The following CUL5 variants were observed in gnomAD, a reference collection of about 807,000 sequenced individuals.
CUL5 encodes cullin 5.
In CUL5, 26 loss-of-function variants were observed where a neutral mutation model predicts 108.8. That is an observed-to-expected ratio of 0.24 (90% confidence interval 0.18 to 0.33). CUL5 has a LOEUF of 0.33. CUL5 is among the 10% of genes least tolerant of loss of function. CUL5 has a pLI of 1.00. For missense variants in CUL5, 524 were observed against 909.2 expected (o/e 0.58, Z 5.45); for synonymous variants, 334 against 298.0 (o/e 1.12, Z -1.25).
intron 3 of CUL5, 88 bp downstream of exon 3, chr11:108,046,457 G>A: frequency 1.4e-6 from 1 of 710,472 alleles, no homozygotes; most frequent in Non-Finnish European, 2.3e-6. Context: ...ACTTCTTGAA[G>A]TAATTTCAAA....
At chr11:108,015,556 C>T (rs973528322) in intron 1 of CUL5, among the ~76,000 whole-genome samples, 3 of 152,200 alleles carry the variant, frequency 2.0e-5, no homozygotes, top group African/African-American at 7.2e-5. Context: ...GCGGCCTTCC[C>T]CTCCTTCAGT....
At position 108,046,389 on chromosome 11, in the gene CUL5, T is replaced by C; in HGVS notation, c.234+20T>C. On this transcript the variant is annotated intron_variant, in intron 3 of 18. Transcript: ENST00000393094. ...CAGGCAGTAAGTTCTACATGCTTAT[T>C]TTAGACTTGTTTTAAAACTACTCAG... 5 of 1,397,340 alleles carry C rather than the reference T, an allele frequency of 3.6e-6. No individual in the cohort carries two copies. Among genetic ancestry groups the C allele is most frequent in the Non-Finnish European group, 5.0e-6 (5 of 994,212 alleles). 86.6% of individuals were successfully genotyped at this position (1,397,340 alleles called of 1,614,324 possible).
intron 18 of CUL5, among the ~76,000 whole-genome samples, chr11:108,099,395 A>G (rs1864586700): frequency 6.6e-6 from 1 of 152,248 alleles, no homozygotes; most frequent in African/African-American, 2.4e-5. Context: ...GGCAGAGAAA[A>G]GATGAATGAA....
At chr11:108,077,755 G>T (rs1319182481) in intron 10 of CUL5, among the ~76,000 whole-genome samples, 1 of 152,142 alleles carries the variant, frequency 6.6e-6, no homozygotes, top group Non-Finnish European at 1.5e-5. Context: ...GACCAGCCTG[G>T]CCAACATGGT....
chr11:108,061,011 A>G (rs1001929125), intron 7 of CUL5, among the ~76,000 whole-genome samples: 2 of 152,200 alleles, frequency 1.3e-5, no homozygotes, highest in African/African-American at 4.8e-5. Context: ...CATCAAGCAC[A>G]TTGATAGTTA....
At chr11:108,085,506 T>C (rs1487616602) in intron 11 of CUL5, among the ~76,000 whole-genome samples, 2 of 152,166 alleles carry the variant, frequency 1.3e-5, no homozygotes, top group Non-Finnish European at 2.9e-5. Context: ...TAGATAGCGG[T>C]GATGTTTGTA....
At chr11:108,028,685 A>T (rs1337131310) in intron 1 of CUL5, among the ~76,000 whole-genome samples, 2 of 152,044 alleles carry the variant, frequency 1.3e-5, no homozygotes, top group Non-Finnish European at 2.9e-5. Flanking sequence ...AAAATACAAA[A>T]ATTAGCTGAG....
rs548532914 is a variant in CUL5, at chr11:108,074,377, T to A, written c.1113+880T>A. Among the ~76,000 whole-genome samples the A allele has an allele frequency of 2.2e-3, 339 of 151,816 alleles. 1 individual carries two copies. The highest frequency in any genetic ancestry group is 7.6e-3 in the African/African-American group (314 of 41,458). ...GCCCGGCTAATTTTTGTATTTTTACTACAGACGGGGTTTCACTGTGTTGGC... is the reference window on the plus strand; with the variant it reads ...GCCCGGCTAATTTTTGTATTTTTACAACAGACGGGGTTTCACTGTGTTGGC... On this transcript the variant is annotated intron_variant, in intron 10 of 18. Coordinates refer to ENST00000393094, the MANE Select transcript of CUL5 (RefSeq NM_003478.6).
chr11:108,052,814 C>CT lies in CUL5; in HGVS notation c.553+17dup. 1.3e-6 allele frequency: 2 copies of CT among 1,588,316 alleles called. No homozygotes were observed. The highest frequency in any genetic ancestry group is 1.7e-6 in the Non-Finnish European group (2 of 1,167,620). ...AGAGAATCCTATGGTATGTTCTGAA[C>CT]TTTTATGATCATAATTTCTGTTTCA... On this transcript the variant is annotated intron_variant, in intron 5 of 18. Transcript: ENST00000393094.
intron 1 of CUL5, among the ~76,000 whole-genome samples, chr11:108,031,351 C>G (rs536581160): frequency 1.8e-5 from 2 of 113,998 alleles, no homozygotes; most frequent in Non-Finnish European, 3.6e-5. Flanking sequence ...GGCAACAGAA[C>G]GAGACTCTGT....
intron 11 of CUL5, among the ~76,000 whole-genome samples, chr11:108,080,486 C>G (rs888786221): frequency 6.6e-6 from 1 of 152,108 alleles, no homozygotes; most frequent in African/African-American, 2.4e-5. Context: ...ACATCCACCT[C>G]GTGGGTTCAA....
At chr11:108,054,837 G>C (rs566273598) in intron 6 of CUL5, 38 bp from the exon 7 acceptor site, 1 of 1,601,362 alleles carries the variant, frequency 6.2e-7, no homozygotes, top group South Asian at 1.1e-5. Context: ...CAATTCCCTT[G>C]ATATTCTTAA....
intron 1 of CUL5, among the ~76,000 whole-genome samples, chr11:108,031,682 G>T (rs1862586783): frequency 1.3e-5 from 2 of 151,900 alleles, no homozygotes; most frequent in Non-Finnish European, 2.9e-5. Flanking sequence ...GATGTTTTTT[G>T]GTTACTACAG....
chr11:108,077,423 A>G (rs147082996), intron 10 of CUL5, among the ~76,000 whole-genome samples: 1 of 152,178 alleles, frequency 6.6e-6, no homozygotes, highest in East Asian at 1.9e-4. Flanking sequence ...AGACAGGTGG[A>G]TCACTTGAGG....
chr11:108,019,207 G>T (rs1458776446), intron 1 of CUL5, among the ~76,000 whole-genome samples: 1 of 133,318 alleles, frequency 7.5e-6, no homozygotes, highest in Non-Finnish European at 1.6e-5. Flanking sequence ...TGGGGGTGGG[G>T]GTGGGGTGGG....
At chr11:108,085,673 A>G (rs561722391) in intron 11 of CUL5, among the ~76,000 whole-genome samples, 1 of 152,292 alleles carries the variant, frequency 6.6e-6, no homozygotes, top group East Asian at 1.9e-4. Flanking sequence ...ACTTGATGCT[A>G]AGTAAAAGAA....
At chr11:108,101,739 G>A (rs1396818933) in intron 18 of CUL5, among the ~76,000 whole-genome samples, 3 of 152,136 alleles carry the variant, frequency 2.0e-5, no homozygotes, top group Non-Finnish European at 4.4e-5. Flanking sequence ...GGGGACCAGG[G>A]CCAGTGTCCC....
intron 10 of CUL5, among the ~76,000 whole-genome samples, chr11:108,075,958 T>C (rs1863931608): frequency 6.6e-6 from 1 of 152,224 alleles, no homozygotes; most frequent in South Asian, 2.1e-4. Context: ...TGTTTTGTTT[T>C]TGTGGCAAGA....
intron 2 of CUL5, among the ~76,000 whole-genome samples, chr11:108,045,880 A>G (rs1009801864): frequency 1.3e-5 from 2 of 152,166 alleles, no homozygotes; most frequent in Non-Finnish European, 2.9e-5. Flanking sequence ...AAATAAAAAA[A>G]TTTTTAAAAA....
Sources: gnomAD v4.1 joint callset for allele counts (sites outside exome capture counted in the v4.1 genomes callset) on GRCh38, gnomAD v4.1.1 for gene constraint, MANE v1.5 for transcripts, NCBI Gene and HGNC (gene_info 2026-07-23, HGNC 2026-07-21) for gene names.